The following DENND5B variants were observed in gnomAD, a reference collection of about 807,000 sequenced individuals.
DENND5B encodes the protein DENN domain containing 5B, also known as DENN domain-containing protein 5B.
A neutral mutation model predicts 140.6 loss-of-function variants in DENND5B; 34 were observed. The ratio of observed to expected loss-of-function variants is 0.24; its 90% confidence interval spans 0.18 to 0.32. The LOEUF is 0.32. Among genes scored for constraint, DENND5B ranks in the 10% least tolerant of loss-of-function variants. The pLI is 1.00. For missense variants in DENND5B, 1,142 were observed against 1,560.2 expected (o/e 0.73, Z 4.52); for synonymous variants, 551 against 562.1 (o/e 0.98, Z 0.28).
At chr12:31,552,410 G>A (rs186496337) in intron 1 of DENND5B, among the ~76,000 whole-genome samples, 1 of 152,318 alleles carries the variant, frequency 6.6e-6, no homozygotes, top group East Asian at 1.9e-4. Flanking sequence ...CAGGGATGAA[G>A]CCCACTTGAT....
intron 20 of DENND5B, 132 bp from the exon 21 acceptor site, chr12:31,387,918 G>A (rs2137236457): frequency 3.4e-6 from 3 of 886,580 alleles, no homozygotes; most frequent in Non-Finnish European, 4.9e-6. Context: ...AAGAGGTCAG[G>A]AGAGAGGAAA....
At chr12:31,549,563 A>G (rs535817765) in intron 1 of DENND5B, among the ~76,000 whole-genome samples, 17 of 151,578 alleles carry the variant, frequency 1.1e-4, no homozygotes, top group Non-Finnish European at 2.4e-4. Context: ...TTTAAGTTCC[A>G]GGGTACAGGT....
chr12:31,441,856 T>C (rs1456487818), intron 7 of DENND5B, among the ~76,000 whole-genome samples: 1 of 151,530 alleles, frequency 6.6e-6, no homozygotes, highest in Non-Finnish European at 1.5e-5. Flanking sequence ...AATTTTTCTA[T>C]CTTTTTTGTA....
intron 1 of DENND5B, among the ~76,000 whole-genome samples, chr12:31,586,901 G>A (rs1224914605): frequency 6.6e-6 from 1 of 152,202 alleles, no homozygotes; most frequent in Non-Finnish European, 1.5e-5. Flanking sequence ...CAGCAAAACA[G>A]AAACTACCTT....
At chr12:31,579,859 T>G (rs1418835132) in intron 1 of DENND5B, among the ~76,000 whole-genome samples, 1 of 151,478 alleles carries the variant, frequency 6.6e-6, no homozygotes, top group Admixed American at 6.6e-5. Flanking sequence ...CAAAAATTTT[T>G]GGAATCTCTG....
At chr12:31,563,277 C>T (rs1345251735) in intron 1 of DENND5B, among the ~76,000 whole-genome samples, 1 of 152,144 alleles carries the variant, frequency 6.6e-6, no homozygotes, top group African/African-American at 2.4e-5. Flanking sequence ...TTCAACACCG[C>T]CATCACAGTG....
chr12:31,510,327 A>T (rs1479782278), intron 1 of DENND5B, among the ~76,000 whole-genome samples: 1 of 152,072 alleles, frequency 6.6e-6, no homozygotes, highest in Non-Finnish European at 1.5e-5. Context: ...CTTTATTCTT[A>T]TTCTTTGAGA....
chr12:31,449,631 T>C (rs1382889913), intron 5 of DENND5B, among the ~76,000 whole-genome samples: 2 of 152,220 alleles, frequency 1.3e-5, no homozygotes, highest in Admixed American at 6.5e-5. Context: ...TTTATATAGT[T>C]TGAGGCTACA....
intron 1 of DENND5B, among the ~76,000 whole-genome samples, chr12:31,534,342 C>G (rs1948407420): frequency 6.6e-6 from 1 of 151,860 alleles, no homozygotes; most frequent in African/African-American, 2.4e-5. Context: ...TTTATTTTTA[C>G]TTTTATTTTG....
At chr12:31,420,936 A>C (rs1942991851) in intron 11 of DENND5B, among the ~76,000 whole-genome samples, 1 of 152,136 alleles carries the variant, frequency 6.6e-6, no homozygotes. Context: ...CAACTCTTAA[A>C]ATGTCTCTGA....
intron 1 of DENND5B, among the ~76,000 whole-genome samples, chr12:31,522,615 T>C (rs901008367): frequency 2.0e-5 from 3 of 152,142 alleles, no homozygotes; most frequent in African/African-American, 7.2e-5. Context: ...CGGCTAATTT[T>C]GTATTTTTTG....
chr12:31,563,893 G>C (rs1949549980), intron 1 of DENND5B, among the ~76,000 whole-genome samples: 1 of 152,184 alleles, frequency 6.6e-6, no homozygotes, highest in Admixed American at 6.5e-5. Flanking sequence ...GAGGTGAGTG[G>C]ATCACTTGAA....
At chr12:31,482,408 T>C (rs749985858) in intron 2 of DENND5B, among the ~76,000 whole-genome samples, 4 of 152,170 alleles carry the variant, frequency 2.6e-5, no homozygotes, top group Admixed American at 6.5e-5. Context: ...AGTTTCTTCT[T>C]ATATCAGTCT....
chr12:31,509,076 A>G (rs746358760), intron 1 of DENND5B, among the ~76,000 whole-genome samples: 3 of 152,184 alleles, frequency 2.0e-5, no homozygotes, highest in Non-Finnish European at 4.4e-5. Context: ...TGGGAAAAAC[A>G]AAGTCTTCCT....
chr12:31,464,222 C>T (rs971579993), intron 3 of DENND5B, among the ~76,000 whole-genome samples: 4 of 152,182 alleles, frequency 2.6e-5, no homozygotes, highest in African/African-American at 7.2e-5. Flanking sequence ...CTTATCATCA[C>T]TCCATATGCA....
intron 1 of DENND5B, among the ~76,000 whole-genome samples, chr12:31,563,437 TC>T (rs1360533762): frequency 1.3e-5 from 2 of 152,166 alleles, no homozygotes; most frequent in South Asian, 2.1e-4. Context: ...AGGATTCCAT[TC>T]CTGTGTAAAG....
chr12:31,539,466 C>T (rs1163700670), intron 1 of DENND5B, among the ~76,000 whole-genome samples: 1 of 151,940 alleles, frequency 6.6e-6, no homozygotes, highest in African/African-American at 2.4e-5. Flanking sequence ...AAAATTGATG[C>T]AAAAATCCTC....
intron 1 of DENND5B, among the ~76,000 whole-genome samples, chr12:31,528,612 G>C (rs1948169289): frequency 1.3e-5 from 2 of 152,188 alleles, no homozygotes. Flanking sequence ...CAAACACGGA[G>C]TATGATACAA....
intron 4 of DENND5B, among the ~76,000 whole-genome samples, chr12:31,454,378 T>C (rs1944670902): frequency 6.6e-6 from 1 of 152,168 alleles, no homozygotes; most frequent in Non-Finnish European, 1.5e-5. Context: ...TCAGCAGTTT[T>C]CTCTAAATAA....
Sources: gnomAD v4.1 joint callset for allele counts (sites outside exome capture counted in the v4.1 genomes callset) on GRCh38, gnomAD v4.1.1 for gene constraint, MANE v1.5 for transcripts, NCBI Gene and HGNC (gene_info 2026-07-23, HGNC 2026-07-21) for gene names.